Variants in PCLO observed in about 807,000 individuals in gnomAD.
The protein encoded by PCLO is piccolo presynaptic cytomatrix protein.
PCLO carries 82 observed loss-of-function variants against 427.5 expected under a neutral mutation model. That is an observed-to-expected ratio of 0.19 (90% CI 0.16 to 0.23). PCLO has a LOEUF of 0.23. Ranked by LOEUF, PCLO falls within the 10% of genes least tolerant of loss-of-function variation. The pLI, the probability that PCLO is intolerant of heterozygous loss-of-function variation, is 1.00. For synonymous variants in PCLO, 2,357 were observed against 2,155.4 expected (o/e 1.09, Z -2.59); for missense variants, 6,239 against 6,115.9 (o/e 1.02, Z -0.67).
At chr7:82,938,565 T>C (rs537174508) in intron 6 of PCLO, among the ~76,000 whole-genome samples, 2 of 151,898 alleles carry the variant, frequency 1.3e-5, no homozygotes, top group South Asian at 4.1e-4. Context: ...CTTAGCTAGG[T>C]TGAAAAAAGG....
chr7:83,062,502 T>C (rs545285306), intron 3 of PCLO, among the ~76,000 whole-genome samples: 1 of 152,140 alleles, frequency 6.6e-6, no homozygotes, highest in Admixed American at 6.5e-5. Flanking sequence ...CTAAGTTGGG[T>C]AAAAATAATA....
At chr7:82,874,263 T>C (rs575269239) in intron 10 of PCLO, among the ~76,000 whole-genome samples, 4 of 152,022 alleles carry the variant, frequency 2.6e-5, no homozygotes, top group Non-Finnish European at 5.9e-5. Flanking sequence ...GAAAAAAAAC[T>C]GACAAGGTCA....
At chr7:83,015,394 A>C (rs1316866964) in intron 3 of PCLO, among the ~76,000 whole-genome samples, 1 of 151,818 alleles carries the variant, frequency 6.6e-6, no homozygotes, top group African/African-American at 2.4e-5. Flanking sequence ...GAATCTGACC[A>C]CTACATGAGA....
chr7:82,843,990 T>A (rs1456873006), intron 13 of PCLO, among the ~76,000 whole-genome samples: 1 of 152,020 alleles, frequency 6.6e-6, no homozygotes, highest in Non-Finnish European at 1.5e-5. Flanking sequence ...TTTTAAAACA[T>A]CATGCTGTAC....
intron 22 of PCLO, among the ~76,000 whole-genome samples, chr7:82,793,573 AT>A (rs930923020): frequency 1.3e-4 from 19 of 151,958 alleles, no homozygotes; most frequent in African/African-American, 4.6e-4. Flanking sequence ...TGGAGGGCCA[AT>A]TTTTTTTATT....
intron 3 of PCLO, among the ~76,000 whole-genome samples, chr7:83,091,980 T>G (rs1460363731): frequency 6.6e-6 from 1 of 152,108 alleles, no homozygotes; most frequent in Non-Finnish European, 1.5e-5. Context: ...ACTTCCAAAT[T>G]TTTTTTTCAC....
intron 6 of PCLO, among the ~76,000 whole-genome samples, chr7:82,948,718 T>C (rs1239277206): frequency 1.3e-5 from 2 of 152,200 alleles, no homozygotes; most frequent in East Asian, 1.9e-4. Flanking sequence ...CATCTGTATA[T>C]GTTCTTCTCC....
At chr7:82,818,594 C>T (rs1237248851) in intron 20 of PCLO, among the ~76,000 whole-genome samples, 1 of 152,104 alleles carries the variant, frequency 6.6e-6, no homozygotes, top group Non-Finnish European at 1.5e-5. Context: ...CATGACTGTT[C>T]TTATTAAAAT....
rs146666367 is a variant in PCLO, at chr7:82,831,693, A to T, written c.14250-3727T>A. Among the ~76,000 whole-genome samples the T allele has an allele frequency of 2.0e-3, 302 of 152,286 alleles. 5 individuals are homozygous for T. The highest frequency in any genetic ancestry group is 6.9e-3 in the African/African-American group (285 of 41,578). On this transcript the variant is annotated intron_variant, in intron 16 of 24. Coordinates refer to ENST00000333891, the MANE Select transcript of PCLO (RefSeq NM_033026.6). ...TATCTTAATCATAGTAATGAGTTTG[A>T]TTCTCCAATTCTCTCCAGACCTAAA...
chr7:82,854,246 T>C (rs1366764417), intron 10 of PCLO, among the ~76,000 whole-genome samples: 2 of 152,146 alleles, frequency 1.3e-5, no homozygotes, highest in Admixed American at 6.6e-5. Flanking sequence ...GTTATATTTG[T>C]AACATTTGGA....
chr7:83,147,885 T>C (rs1373984368), intron 2 of PCLO, among the ~76,000 whole-genome samples: 1 of 152,188 alleles, frequency 6.6e-6, no homozygotes, highest in East Asian at 1.9e-4. Context: ...TTTCTTGTGG[T>C]AGCCAATAGA....
chr7:82,929,376 G>A (rs989242725), intron 6 of PCLO, among the ~76,000 whole-genome samples: 8 of 152,014 alleles, frequency 5.3e-5, no homozygotes, highest in African/African-American at 1.9e-4. Context: ...CCAAACTTGC[G>A]TCACTCCTAA....
At chr7:82,942,927 T>C (rs1187173581) in intron 6 of PCLO, among the ~76,000 whole-genome samples, 1 of 152,128 alleles carries the variant, frequency 6.6e-6, no homozygotes, top group Admixed American at 6.5e-5. Context: ...TTAGTTTTAA[T>C]AGATTGCTTT....
At chr7:82,908,535 C>A (rs1044890069) in intron 8 of PCLO, among the ~76,000 whole-genome samples, 3 of 152,096 alleles carry the variant, frequency 2.0e-5, no homozygotes, top group Non-Finnish European at 2.9e-5. Context: ...TATTGGAAAG[C>A]ACTGAAAATT....
At chr7:83,125,036 G>A (rs191318121) in intron 3 of PCLO, among the ~76,000 whole-genome samples, 146 of 152,254 alleles carry the variant, frequency 9.6e-4, no homozygotes, top group African/African-American at 3.5e-3. Context: ...GATTACAGAC[G>A]GAGTCTCGCT....
At chr7:83,108,208 A>G (rs952826015) in intron 3 of PCLO, among the ~76,000 whole-genome samples, 1 of 152,092 alleles carries the variant, frequency 6.6e-6, no homozygotes, top group African/African-American at 2.4e-5. Flanking sequence ...GAAAGAAGTA[A>G]AAATCATGAT....
At position 82,755,541 on chromosome 7, in the gene PCLO, T is replaced by A. The variant is rs1790300355; in HGVS notation, c.*3034A>T. The A allele has an allele frequency of 6.6e-6, 1 of 152,094 alleles. No individual in the cohort carries two copies. The highest frequency in any genetic ancestry group is 1.5e-5 in the Non-Finnish European group (1 of 68,008). 9.4% of individuals were successfully genotyped at this position (152,094 alleles called of 1,614,324 possible). Reference sequence around the variant, plus strand: ...ATTTGAAACCAAGAAGCAACATCAGTCTCTGATGACTCAATGAAATTGTGG... The same window carrying A: ...ATTTGAAACCAAGAAGCAACATCAGACTCTGATGACTCAATGAAATTGTGG... On this transcript the variant is annotated 3_prime_UTR_variant, in exon 25 of 25. Transcript: ENST00000333891.
At chr7:82,939,837 A>C (rs1222381847) in intron 6 of PCLO, among the ~76,000 whole-genome samples, 3 of 151,432 alleles carry the variant, frequency 2.0e-5, no homozygotes, top group Non-Finnish European at 4.4e-5. Context: ...TGAATAACAA[A>C]GTTTTTTTGA....
intron 20 of PCLO, among the ~76,000 whole-genome samples, chr7:82,813,575 T>C (rs967439551): frequency 6.6e-6 from 1 of 151,706 alleles, no homozygotes; most frequent in Non-Finnish European, 1.5e-5. Context: ...CATAATTTTT[T>C]CCAGATACCT....
Sources: allele counts gnomAD v4.1 joint callset (sites outside exome capture counted in the v4.1 genomes callset), GRCh38; gene constraint gnomAD v4.1.1; transcripts MANE v1.5; gene names NCBI Gene and HGNC (gene_info 2026-07-23, HGNC 2026-07-21).